CADM2: variants seen among roughly 807,000 people sequenced by gnomAD.
CADM2 encodes cell adhesion molecule 2, also known as immunoglobulin superfamily member 4D.
A neutral mutation model predicts 49.8 loss-of-function variants in CADM2; 12 were observed. The observed-to-expected ratio is 0.24, with a 90% CI of 0.15 to 0.39. CADM2 has a LOEUF of 0.39. Among genes scored for constraint, CADM2 ranks in the 10% least tolerant of loss-of-function variants. The probability of loss-of-function intolerance (pLI) is 1.00; values close to 1 mark genes in which losing one functional copy is unlikely to be tolerated. For missense variants in CADM2, 378 were observed against 492.3 expected (o/e 0.77, Z 2.20); for synonymous variants, 214 against 175.4 (o/e 1.22, Z -1.74).
In CADM2 at chr3:85,098,899, C is replaced by T. The variant is rs7636755; in HGVS notation, c.61+139231C>T. ...TCAACTGTAATTTTGAAACAGTTTC[C>T]TACACACTGCTTATTACTGTTTGGC... is the stretch of plus-strand genomic sequence containing the variant. On this transcript the variant is annotated intron_variant, in intron 1 of 9. Transcript: ENST00000383699. 8.8e-3 allele frequency among the ~76,000 whole-genome samples: 1,345 copies of T among 152,266 alleles called. 23 individuals carry two copies. Among genetic ancestry groups the T allele is most frequent in the African/African-American group, 0.03 (1,236 of 41,550 alleles).
At chr3:85,608,476 A>G (rs2063594925) in intron 1 of CADM2, among the ~76,000 whole-genome samples, 1 of 152,146 alleles carries the variant, frequency 6.6e-6, no homozygotes, top group Admixed American at 6.6e-5. Flanking sequence ...TAAGAACCAT[A>G]TTACCTGGCT....
In CADM2 at chr3:85,272,673, T is replaced by C. The variant is rs368718682; in HGVS notation, c.61+313005T>C. ...AAACAGTACCAGTTGTCATATGGCTTACTTTCTACGTTTATGTTTACAATT... is the reference window on the plus strand; with the variant it reads ...AAACAGTACCAGTTGTCATATGGCTCACTTTCTACGTTTATGTTTACAATT... On this transcript the variant is annotated intron_variant, in intron 1 of 9. Coordinates refer to ENST00000383699, the MANE Select transcript of CADM2 (RefSeq NM_001167675.2). Among the ~76,000 whole-genome samples the C allele has an allele frequency of 1.8e-3, 271 of 151,478 alleles. 1 individual carries two copies. Among genetic ancestry groups the C allele is most frequent in the African/African-American group, 6.3e-3 (261 of 41,474 alleles).
At chr3:85,222,382 G>T (rs2042062203) in intron 1 of CADM2, among the ~76,000 whole-genome samples, 1 of 151,990 alleles carries the variant, frequency 6.6e-6, no homozygotes, top group Admixed American at 6.6e-5. Flanking sequence ...GGTGATTCTG[G>T]CTTAAAAAAA....
intron 1 of CADM2, among the ~76,000 whole-genome samples, chr3:85,256,493 G>A (rs1044616497): frequency 6.6e-6 from 1 of 152,096 alleles, no homozygotes; most frequent in Non-Finnish European, 1.5e-5. Flanking sequence ...GCCAAAGGGC[G>A]AAGCTAAACC....
chr3:85,332,492 C>A (rs937884832), intron 1 of CADM2, among the ~76,000 whole-genome samples: 4 of 151,914 alleles, frequency 2.6e-5, no homozygotes, highest in Admixed American at 2.6e-4. Context: ...GTAGGTTTGA[C>A]CTTTGTAATG....
At chr3:85,475,604 A>G (rs1365615346) in intron 1 of CADM2, among the ~76,000 whole-genome samples, 3 of 151,970 alleles carry the variant, frequency 2.0e-5, no homozygotes, top group African/African-American at 4.8e-5. Flanking sequence ...CTATTAAACT[A>G]TCATTAATCT....
At chr3:85,822,794 A>G (rs1168695809) in intron 3 of CADM2, among the ~76,000 whole-genome samples, 2 of 152,114 alleles carry the variant, frequency 1.3e-5, no homozygotes, top group Non-Finnish European at 1.5e-5. Context: ...TATAAATTCA[A>G]AATGTTCTAT....
chr3:85,365,877 T>A (rs1467757079), intron 1 of CADM2, among the ~76,000 whole-genome samples: 1 of 152,150 alleles, frequency 6.6e-6, no homozygotes, highest in Non-Finnish European at 1.5e-5. Flanking sequence ...TTGGGCAAGT[T>A]TTATATTAGG....
At chr3:85,787,813 C>T (rs935295940) in intron 2 of CADM2, among the ~76,000 whole-genome samples, 7 of 152,136 alleles carry the variant, frequency 4.6e-5, no homozygotes, top group African/African-American at 1.7e-4. Flanking sequence ...ACAAGTCCTG[C>T]ATGATCTGGC....
intron 1 of CADM2, among the ~76,000 whole-genome samples, chr3:85,447,055 A>T (rs1296753791): frequency 2.1e-5 from 3 of 144,868 alleles, no homozygotes; most frequent in Non-Finnish European, 4.5e-5. Context: ...TGAAATATAT[A>T]TTTCACTTTT....
At chr3:85,858,428 A>G (rs2075395089) in intron 3 of CADM2, among the ~76,000 whole-genome samples, 1 of 152,234 alleles carries the variant, frequency 6.6e-6, no homozygotes, top group African/African-American at 2.4e-5. Flanking sequence ...CTAAAAGTTG[A>G]TGGCTTTCTA....
At chr3:85,272,716 C>T (rs908256534) in intron 1 of CADM2, among the ~76,000 whole-genome samples, 1 of 151,274 alleles carries the variant, frequency 6.6e-6, no homozygotes, top group Non-Finnish European at 1.5e-5. Flanking sequence ...TATATCACTT[C>T]ACCAGTTGAG....
chr3:85,051,542 G>C (rs1166058709), intron 1 of CADM2, among the ~76,000 whole-genome samples: 1 of 152,096 alleles, frequency 6.6e-6, no homozygotes, highest in Non-Finnish European at 1.5e-5. Flanking sequence ...GGGGAGCTGT[G>C]TTACTGATGA....
At chr3:85,654,935 A>C (rs1278671166) in intron 1 of CADM2, among the ~76,000 whole-genome samples, 1 of 152,190 alleles carries the variant, frequency 6.6e-6, no homozygotes, top group Non-Finnish European at 1.5e-5. Context: ...GAGTTGGAAA[A>C]AACTTAGATA....
At chr3:85,025,101 T>G (rs2034669125) in intron 1 of CADM2, among the ~76,000 whole-genome samples, 1 of 152,142 alleles carries the variant, frequency 6.6e-6, no homozygotes, top group African/African-American at 2.4e-5. Context: ...ATAATTACAC[T>G]ACTTAACATT....
chr3:85,630,465 C>T (rs779733263), intron 1 of CADM2, among the ~76,000 whole-genome samples: 1 of 151,972 alleles, frequency 6.6e-6, no homozygotes, highest in Non-Finnish European at 1.5e-5. Flanking sequence ...ACAACTGCTT[C>T]TCAGGATAAC....
At chr3:85,973,545 A>G (rs1398342995) in intron 8 of CADM2, among the ~76,000 whole-genome samples, 1 of 151,798 alleles carries the variant, frequency 6.6e-6, no homozygotes, top group African/African-American at 2.4e-5. Flanking sequence ...TGAATGTTAC[A>G]GCTTCTCAAT....
At chr3:85,707,621 A>G (rs778194095) in intron 1 of CADM2, among the ~76,000 whole-genome samples, 2 of 152,252 alleles carry the variant, frequency 1.3e-5, no homozygotes, top group Non-Finnish European at 2.9e-5. Flanking sequence ...GATGAATTTA[A>G]GTAGTGATGT....
At chr3:85,052,827 CA>C (rs2035937031) in intron 1 of CADM2, among the ~76,000 whole-genome samples, 2 of 151,934 alleles carry the variant, frequency 1.3e-5, no homozygotes, top group Non-Finnish European at 2.9e-5. Context: ...TTTTATATTA[CA>C]AAAACCATAT....
Sources: allele counts gnomAD v4.1 joint callset (sites outside exome capture counted in the v4.1 genomes callset), GRCh38; gene constraint gnomAD v4.1.1; transcripts MANE v1.5; gene names NCBI Gene and HGNC (gene_info 2026-07-23, HGNC 2026-07-21).